TRAK1: variants seen among roughly 807,000 people sequenced by gnomAD.
TRAK1 encodes the protein trafficking kinesin protein 1, also known as trafficking kinesin-binding protein 1.
In TRAK1, 33 loss-of-function variants were observed where a neutral mutation model predicts 92.1. That is an observed-to-expected ratio of 0.36 (90% CI 0.27 to 0.48). The LOEUF (loss-of-function observed/expected upper bound fraction) is 0.48, where lower values mean the gene tolerates loss of function less well. TRAK1 is among the 20% of genes least tolerant of loss of function. The pLI, the probability that TRAK1 is intolerant of heterozygous loss-of-function variation, is 0.99. For missense variants in TRAK1, 1,123 were observed against 1,257.9 expected, an observed-to-expected ratio of 0.89 and a Z score of 1.62; for synonymous variants, 521 against 517.3, an observed-to-expected ratio of 1.01 and a Z score of -0.10.
At chr3:42,082,241 C>T (rs1704471783), upstream of TRAK1, among the ~76,000 whole-genome samples, 1 of 152,170 alleles carries the variant, frequency 6.6e-6, no homozygotes, top group Non-Finnish European at 1.5e-5. Flanking sequence ...CCATCTCCCT[C>T]ATTTTATAGG....
Position 42,200,693 on chromosome 3 carries a change from G to A in TRAK1, c.1191-125G>A. 6.6e-6 allele frequency: 6 copies of A among 909,260 alleles called. No homozygotes were observed. In the Admixed American group the frequency reaches 7.8e-5, roughly 12 times the overall value. 56.3% of individuals were successfully genotyped at this position (909,260 alleles called of 1,614,324 possible). A position where few individuals can be genotyped will look rare whatever the true frequency, so the allele number is the denominator to read the frequency against. On this transcript the variant is annotated intron_variant, in intron 11 of 15. Coordinates refer to ENST00000327628, the MANE Select transcript of TRAK1 (RefSeq NM_001042646.3). ...AGAAACAGGTGGCAGGCACAGGATAGCAGGCTGCTGGGGGACTCGTCATAG... is the reference window on the plus strand; with the variant it reads ...AGAAACAGGTGGCAGGCACAGGATAACAGGCTGCTGGGGGACTCGTCATAG...
chr3:42,062,888 G>A (rs1280304136), intron 1 of TRAK1, among the ~76,000 whole-genome samples: 2 of 152,196 alleles, frequency 1.3e-5, no homozygotes, highest in African/African-American at 2.4e-5. Context: ...TTTGTCTTAT[G>A]AGGGGATGTG....
Position 42,202,286 on chromosome 3 carries a change from CCT to C in TRAK1, c.1428-149_1428-148del, listed in dbSNP as rs540679994. 1,168 of 824,466 alleles carry C rather than the reference CCT, an allele frequency of 1.4e-3. 17 individuals carry two copies. The African/African-American group carries it at 0.019, about 13-fold the overall frequency. The allele number at this position is 824,466 out of a possible 1,614,324, so 51.1% of individuals were successfully genotyped here. On this transcript the variant is annotated intron_variant, in intron 12 of 15. Coordinates refer to ENST00000327628, the MANE Select transcript of TRAK1 (RefSeq NM_001042646.3). This position sits in a 1 kb window ranked among gnomAD's most constrained non-coding sequence, Gnocchi z 6.1. ...GGTTCTGGACACGAATTTATTTCCC[CCT>C]GTTGCCTAAATGTCAACTGCTTGCC...
intron 4 of TRAK1, among the ~76,000 whole-genome samples, chr3:42,186,358 A>G (rs1704846681): frequency 6.6e-6 from 1 of 152,204 alleles, no homozygotes; most frequent in South Asian, 2.1e-4. Context: ...GATGTATTCA[A>G]CCTTTTTCCT....
chr3:42,204,923 T>C (rs1490973885), intron 13 of TRAK1, among the ~76,000 whole-genome samples: 1 of 152,102 alleles, frequency 6.6e-6, no homozygotes, highest in Non-Finnish European at 1.5e-5. Flanking sequence ...CTTTTTTCCC[T>C]CCCCTCCACA....
chr3:42,094,494 C>T (rs868762445), intron 1 of TRAK1, among the ~76,000 whole-genome samples: 6 of 152,046 alleles, frequency 3.9e-5, no homozygotes, highest in South Asian at 2.1e-4. Context: ...CTCCCACGTC[C>T]ACCTCCCAAG....
intron 1 of TRAK1, among the ~76,000 whole-genome samples, chr3:42,065,540 C>A (rs1047127211): frequency 1.3e-5 from 2 of 152,004 alleles, no homozygotes; most frequent in African/African-American, 4.8e-5. Context: ...TGCGTAAAGG[C>A]TATTCAGTTT....
chr3:42,220,392 C>T, intron 15 of TRAK1: 3 of 763,110 alleles, frequency 3.9e-6, no homozygotes, highest in Non-Finnish European at 4.8e-6. Flanking sequence ...ACGACCCCCT[C>T]AGCTGTTTCC....
At chr3:42,123,179 C>T (rs1047130158) in intron 1 of TRAK1, among the ~76,000 whole-genome samples, 3 of 152,302 alleles carry the variant, frequency 2.0e-5, no homozygotes, top group African/African-American at 7.2e-5. Flanking sequence ...CATAACTCTA[C>T]GTTCTCTTTT....
chr3:42,037,471 G>A (rs1702368475), intron 1 of TRAK1, among the ~76,000 whole-genome samples: 1 of 152,216 alleles, frequency 6.6e-6, no homozygotes, highest in Non-Finnish European at 1.5e-5. Flanking sequence ...GGCAGGCAGG[G>A]TACTGGGGAT....
At chr3:42,135,223 G>A (rs1027904430) in intron 2 of TRAK1, among the ~76,000 whole-genome samples, 1 of 152,194 alleles carries the variant, frequency 6.6e-6, no homozygotes, top group Non-Finnish European at 1.5e-5. Context: ...GCTGTATAGG[G>A]AGTGCCTTGA....
intron 1 of TRAK1, among the ~76,000 whole-genome samples, chr3:42,078,702 A>G (rs7644706): frequency 0.66 from 97,913 of 149,226 alleles, 32,558 homozygotes; most frequent in South Asian, 0.81. Flanking sequence ...GCAGTGAGCC[A>G]AGATCAGGCC....
upstream of TRAK1, among the ~76,000 whole-genome samples, chr3:42,085,287 C>T (rs1321682989): frequency 6.6e-6 from 1 of 152,162 alleles, no homozygotes; most frequent in African/African-American, 2.4e-5. Context: ...CCTGCCTCAG[C>T]CTCCTGAGTG....
rs938423427 is a variant in TRAK1, at chr3:42,203,525, A to G, written c.1744+773A>G. 466 of 957,276 alleles carry G rather than the reference A, an allele frequency of 4.9e-4. 1 individual carries two copies. The highest frequency in any genetic ancestry group is 5.1e-4 in the Non-Finnish European group (422 of 822,268). The allele number at this position is 957,276 out of a possible 1,614,324, so 59.3% of individuals were successfully genotyped here. On this transcript the variant is annotated intron_variant, in intron 13 of 15. Transcript: ENST00000327628. ...TTTTTTTTTTTTTTTTAATTTAGGC[A>G]CTTATAAAATGTTTTCCCTCTACCT...
At chr3:42,126,805 G>T (rs73066372) in intron 2 of TRAK1, among the ~76,000 whole-genome samples, 2,001 of 152,256 alleles carry the variant, frequency 0.013, 19 homozygotes, top group Non-Finnish European at 0.019. Flanking sequence ...AATTGGTACT[G>T]CAAGTTTCTC....
chr3:42,207,469 G>T (rs1708463933), intron 13 of TRAK1, among the ~76,000 whole-genome samples: 1 of 152,142 alleles, frequency 6.6e-6, no homozygotes, highest in South Asian at 2.1e-4. Flanking sequence ...CATCAAATGG[G>T]TTAGTTCTGA....
chr3:42,149,026 G>A (rs908046190), intron 2 of TRAK1, among the ~76,000 whole-genome samples: 4 of 151,986 alleles, frequency 2.6e-5, no homozygotes, highest in African/African-American at 9.7e-5. Context: ...TCCCTGCCTG[G>A]CATCTCTCAG....
intron 1 of TRAK1, among the ~76,000 whole-genome samples, chr3:42,071,103 C>G (rs17067692): frequency 0.076 from 11,640 of 152,250 alleles, 561 homozygotes; most frequent in East Asian, 0.18. Flanking sequence ...CACACAGTCA[C>G]TTTGCAGTAA....
intron 4 of TRAK1, 50 bp from the exon 5 acceptor site, chr3:42,187,995 A>T: frequency 6.7e-7 from 1 of 1,488,592 alleles, no homozygotes; most frequent in Non-Finnish European, 9.4e-7. Flanking sequence ...GTCGGGGGGG[A>T]CAGTATCACC....
Sources: gnomAD v4.1 joint callset for allele counts (sites outside exome capture counted in the v4.1 genomes callset) on GRCh38, gnomAD v4.1.1 for gene constraint, Gnocchi (gnomAD v3.1) non-coding constraint, MANE v1.5 for transcripts, NCBI Gene and HGNC (gene_info 2026-07-23, HGNC 2026-07-21) for gene names.